Variants in DEGS2 observed in about 807,000 individuals in gnomAD.
DEGS2 encodes the protein delta 4-desaturase, sphingolipid 2.
A neutral mutation model predicts 23.8 loss-of-function variants in DEGS2; 19 were observed. The observed-to-expected ratio is 0.80, with a 90% confidence interval of 0.56 to 1.17. The LOEUF is 1.17. Among genes scored for constraint, DEGS2 ranks in the 50% most tolerant of loss-of-function variants. The pLI, the probability that DEGS2 is intolerant of heterozygous loss-of-function variation, is 0.00. For missense variants in DEGS2, 390 were observed against 459.5 expected (o/e 0.85, Z 1.38); for synonymous variants, 218 against 213.7 (o/e 1.02, Z -0.18).
chr14:100,148,933 T>C (rs562105213), intron 2 of DEGS2, 35 bp downstream of exon 2: 22 of 1,596,442 alleles, frequency 1.4e-5, no homozygotes, highest in South Asian at 1.2e-4. Flanking sequence ...TGTGCAGCCC[T>C]GCCCCGCCGC....
rs374980556 is a variant in DEGS2 at position 100,148,321 on chromosome 14, C to T, written c.825+647G>A. Among the ~76,000 whole-genome samples the T allele has an allele frequency of 4.6e-5, 7 of 152,228 alleles. No homozygotes were observed. In the East Asian group the frequency reaches 9.6e-4, roughly 21 times the overall value. The stretch of plus-strand genomic sequence containing the variant: ...GTGCGCTCAGGCGCTCGAACACCTC[C>T]CCAGTGCCACCTCCTCCCGCCCCCT... On this transcript the variant is annotated intron_variant, in intron 2 of 2. Coordinates refer to ENST00000305631, the MANE Select transcript of DEGS2 (RefSeq NM_206918.3).
At chr14:100,161,304 C>T (rs1421909042), upstream of DEGS2, among the ~76,000 whole-genome samples, 1 of 152,200 alleles carries the variant, frequency 6.6e-6, no homozygotes, top group African/African-American at 2.4e-5. Flanking sequence ...CCCTCATTTT[C>T]CAGATGAGGA....
upstream of DEGS2, among the ~76,000 whole-genome samples, chr14:100,162,484 G>T (rs1414307929): frequency 6.6e-6 from 1 of 152,160 alleles, no homozygotes; most frequent in Non-Finnish European, 1.5e-5. Flanking sequence ...CACCAGGCTG[G>T]TCTTGAACTC....
chr14:100,161,896 C>A (rs1417679180), upstream of DEGS2, among the ~76,000 whole-genome samples: 1 of 151,674 alleles, frequency 6.6e-6, no homozygotes, highest in African/African-American at 2.4e-5. Flanking sequence ...ATAGTGAAAT[C>A]CCGTCTCTAC....
the DEGS2 span, among the ~76,000 whole-genome samples, chr14:100,165,830 G>A: frequency 6.7e-6 from 1 of 148,168 alleles, no homozygotes; most frequent in Non-Finnish European, 1.5e-5. Context: ...TGTTTGGGGG[G>A]CTTTTCAGGC....
upstream of DEGS2, among the ~76,000 whole-genome samples, chr14:100,161,171 G>A (rs1261741184): frequency 1.1e-5 from 1 of 91,326 alleles, no homozygotes; most frequent in Admixed American, 1.4e-4. Context: ...CAGAGCCTTC[G>A]CCCCTGTGTT....
intron 1 of DEGS2, among the ~76,000 whole-genome samples, chr14:100,158,387 A>T (rs1889692727): frequency 6.6e-6 from 1 of 150,822 alleles, no homozygotes; most frequent in South Asian, 2.1e-4. Flanking sequence ...ACATGGTGAA[A>T]CTCCATCTCA....
At position 100,149,370 on chromosome 14, in the gene DEGS2, G is replaced by A. The variant is rs113575369; in HGVS notation, c.423C>T (p.Asp141=). 1.5e-3 allele frequency: 2,430 copies of A among 1,606,498 alleles called. 27 individuals are homozygous for A. The African/African-American group carries it at 0.028, about 19-fold the overall frequency. Residue 141 remains aspartate (D), a synonymous_variant, in exon 2 of 3, where the codon GAC becomes GAT. Transcript: ENST00000305631. ...CCTCCAGACGCGTGGGCACGTCCAC[G>A]TCCAGCCCGTCGCCGCCCAGGTAGC... ...HHRYLGGDGL[D]VDVPTRLEGW... is the part of the protein sequence containing the mutation.
upstream of DEGS2, chr14:100,159,651 C>A (rs1469015859): frequency 8.6e-7 from 1 of 1,168,154 alleles, no homozygotes; most frequent in Admixed American, 3.4e-5. Flanking sequence ...GTCGCGGCGG[C>A]CGCGGCGCGG....
chr14:100,146,994 T>C (rs1337595984), intron 2 of DEGS2, 87 bp from the exon 3 acceptor site: 1 of 1,483,438 alleles, frequency 6.7e-7, no homozygotes, highest in Non-Finnish European at 9.1e-7. Context: ...GCACACGCGG[T>C]GGGCATGCAC....
At chr14:100,154,701 G>T (rs1889630778) in intron 1 of DEGS2, among the ~76,000 whole-genome samples, 1 of 152,246 alleles carries the variant, frequency 6.6e-6, no homozygotes, top group Non-Finnish European at 1.5e-5. Flanking sequence ...CATCACCCTG[G>T]TGCGACTCTG....
At position 100,149,570 on chromosome 14, in the gene DEGS2, C is replaced by T. The variant is rs1329967718; in HGVS notation, c.223G>A (p.Ala75Thr). The T allele has an allele frequency of 3.1e-6, 5 of 1,608,326 alleles. No homozygotes were observed. The highest frequency in any genetic ancestry group is 1.6e-4 in the Middle Eastern group (1 of 6,082). The change falls in exon 2 of 3, where the codon GCC becomes ACC. Residue 75 changes from alanine (A) to threonine (T), a missense_variant. Transcript: ENST00000305631. Reference sequence around the variant, plus strand: ...GAGTGGTTCACGCAGCCACCAAAGGCGTAGGCCCAGAACAGCAGCCAGCGC... The same window carrying T: ...GAGTGGTTCACGCAGCCACCAAAGGTGTAGGCCCAGAACAGCAGCCAGCGC... ...AWRWLLFWAY[A>T]FGGCVNHSLT... is the part of the protein sequence containing the mutation.
At chr14:100,150,066 C>A (rs931289352) in intron 1 of DEGS2, among the ~76,000 whole-genome samples, 2 of 152,246 alleles carry the variant, frequency 1.3e-5, no homozygotes, top group Non-Finnish European at 2.9e-5. Context: ...TCTGTGTACT[C>A]AAGCACACGG....
chr14:100,152,168 G>A (rs916691046), intron 1 of DEGS2, among the ~76,000 whole-genome samples: 3 of 152,230 alleles, frequency 2.0e-5, no homozygotes, highest in African/African-American at 7.2e-5. Context: ...GCAAGGCGAG[G>A]GTGAGATGAG....
rs1889712964 is a variant in DEGS2, at chr14:100,159,444, A to C, written c.82+62T>G. 2.3e-6 allele frequency: 3 copies of C among 1,321,000 alleles called. No individual in the cohort carries two copies. The South Asian group carries it at 4.7e-5, about 20-fold the overall frequency. 81.8% of individuals were successfully genotyped at this position (1,321,000 alleles called of 1,614,324 possible). A position where few individuals can be genotyped will look rare whatever the true frequency, so the allele number is the denominator to read the frequency against. On this transcript the variant is annotated intron_variant, in intron 1 of 2. Transcript: ENST00000305631. ...CGGCCCGTCTGGGCTCGACCCCACG[A>C]CGCGACTCCAGACGGGCCAACGGGG...
upstream of DEGS2, among the ~76,000 whole-genome samples, chr14:100,163,756 T>C (rs889079662): frequency 6.6e-6 from 1 of 152,220 alleles, no homozygotes; most frequent in African/African-American, 2.4e-5. Flanking sequence ...GATCTCACTC[T>C]GTCATCCAGG....
intron 1 of DEGS2, among the ~76,000 whole-genome samples, chr14:100,153,148 T>C (rs1316942559): frequency 6.6e-6 from 1 of 151,966 alleles, no homozygotes; most frequent in Non-Finnish European, 1.5e-5. Flanking sequence ...CCCAGCTACT[T>C]GGGAGGCTGA....
chr14:100,163,919 C>T (rs970506623), upstream of DEGS2, among the ~76,000 whole-genome samples: 1 of 151,908 alleles, frequency 6.6e-6, no homozygotes, highest in African/African-American at 2.4e-5. Flanking sequence ...TTGCAGAGAC[C>T]GGGTTTTGTG....
intron 1 of DEGS2, among the ~76,000 whole-genome samples, chr14:100,157,959 T>G (rs1256639440): frequency 6.6e-6 from 1 of 151,232 alleles, no homozygotes; most frequent in South Asian, 2.1e-4. Flanking sequence ...TGGTGGCGGG[T>G]GCCTGTAATC....
Sources: allele counts gnomAD v4.1 joint callset (sites outside exome capture counted in the v4.1 genomes callset), GRCh38; gene constraint gnomAD v4.1.1; transcripts MANE v1.5; gene names NCBI Gene and HGNC (gene_info 2026-07-23, HGNC 2026-07-21).